Variants in NAALADL2 observed in about 807,000 individuals in gnomAD.
The protein encoded by NAALADL2 is N-acetylated alpha-linked acidic dipeptidase like 2.
A neutral mutation model predicts 87.2 loss-of-function variants in NAALADL2; 76 were observed. The observed-to-expected ratio is 0.87, with a 90% CI of 0.72 to 1.05. The LOEUF (loss-of-function observed/expected upper bound fraction) is 1.05, where lower values mean the gene tolerates loss of function less well. NAALADL2 is among the 50% of genes least tolerant of loss of function. NAALADL2 has a pLI of 0.00. For missense variants in NAALADL2, 1,089 were observed against 945.8 expected (o/e 1.15, Z -1.99); for synonymous variants, 354 against 331.0 (o/e 1.07, Z -0.75).
At chr3:174,456,704 T>G (rs3961801) in intron 1 of NAALADL2, among the ~76,000 whole-genome samples, 41,528 of 151,578 alleles carry the variant, frequency 0.27, 6,081 homozygotes, top group South Asian at 0.45. Context: ...TTATACCATA[T>G]AAAAAAAATC....
At chr3:175,051,744 G>T (rs549326655) in intron 1 of NAALADL2, among the ~76,000 whole-genome samples, 1 of 152,338 alleles carries the variant, frequency 6.6e-6, no homozygotes, top group East Asian at 1.9e-4. Context: ...GGGAGTCACT[G>T]TAGGGTCTGG....
chr3:175,338,531 C>A (rs1762228401), intron 5 of NAALADL2, among the ~76,000 whole-genome samples: 1 of 137,548 alleles, frequency 7.3e-6, no homozygotes, highest in Non-Finnish European at 1.5e-5. Context: ...AGTTTTATAG[C>A]AACAGAGGCA....
rs140776315 is a variant in NAALADL2, at chr3:174,874,610, A to G, written c.43+15160A>G. Among the ~76,000 whole-genome samples, 151 of 152,286 alleles carry G rather than the reference A, an allele frequency of 9.9e-4. No individual in the cohort carries two copies. In the Middle Eastern group the frequency reaches 0.014, roughly 14 times the overall value. ...GGGCAATCTATACGTGTGTAAAAGCATCATTGAGAAGGTGAGTACTCAAGA... is the reference window on the plus strand; with the variant it reads ...GGGCAATCTATACGTGTGTAAAAGCGTCATTGAGAAGGTGAGTACTCAAGA... On this transcript the variant is annotated intron_variant, in intron 1 of 13. Coordinates refer to ENST00000454872, the MANE Select transcript of NAALADL2 (RefSeq NM_207015.3).
intron 12 of NAALADL2, among the ~76,000 whole-genome samples, chr3:175,753,578 A>G (rs1044673493): frequency 6.6e-5 from 10 of 152,174 alleles, no homozygotes; most frequent in African/African-American, 2.4e-4. Flanking sequence ...CGTATCAGCT[A>G]TACATCTAAC....
At chr3:175,787,067 G>T (rs1181400531) in intron 13 of NAALADL2, among the ~76,000 whole-genome samples, 1 of 151,934 alleles carries the variant, frequency 6.6e-6, no homozygotes, top group Admixed American at 6.6e-5. Flanking sequence ...CAGTCTGCCT[G>T]TTCTCAGATC....
intron 5 of NAALADL2, among the ~76,000 whole-genome samples, chr3:175,377,302 ACT>A (rs1191580891): frequency 3.9e-5 from 6 of 152,164 alleles, no homozygotes; most frequent in African/African-American, 1.4e-4. Context: ...ACAGAGTGAC[ACT>A]CTGTTTCAAA....
At chr3:175,655,430 C>T (rs1731322693) in intron 11 of NAALADL2, 1 of 318,168 alleles carries the variant, frequency 3.1e-6, no homozygotes, top group Admixed American at 4.4e-5. Flanking sequence ...CTGGAGTTTG[C>T]CAAACAATGC....
chr3:174,954,156 G>A (rs1415221917), intron 1 of NAALADL2, among the ~76,000 whole-genome samples: 4 of 151,952 alleles, frequency 2.6e-5, no homozygotes, highest in Non-Finnish European at 1.5e-5. Context: ...CCCTAATCAG[G>A]CAACTTGAAT....
chr3:175,335,125 C>G (rs1761848547), intron 5 of NAALADL2, among the ~76,000 whole-genome samples: 1 of 152,190 alleles, frequency 6.6e-6, no homozygotes, highest in African/African-American at 2.4e-5. Context: ...CTCACCACGT[C>G]TACCGCGTCT....
intron 2 of NAALADL2, among the ~76,000 whole-genome samples, chr3:174,706,367 C>T (rs1730068433): frequency 6.6e-6 from 1 of 152,154 alleles, no homozygotes; most frequent in Admixed American, 6.5e-5. Flanking sequence ...GAAAACATAA[C>T]AGTAGAAATC....
chr3:175,645,453 G>A (rs1999584), intron 11 of NAALADL2, among the ~76,000 whole-genome samples: 6,833 of 152,166 alleles, frequency 0.045, 188 homozygotes, highest in South Asian at 0.11. Context: ...AAAGTTTAGA[G>A]TAACAGTGGA....
intron 2 of NAALADL2, among the ~76,000 whole-genome samples, chr3:175,114,279 G>T (rs1235254870): frequency 6.6e-6 from 1 of 151,560 alleles, no homozygotes; most frequent in Non-Finnish European, 1.5e-5. Context: ...GGATGTGGCA[G>T]TATTGATTGT....
At chr3:175,348,820 G>A (rs901636538) in intron 5 of NAALADL2, among the ~76,000 whole-genome samples, 7 of 152,122 alleles carry the variant, frequency 4.6e-5, no homozygotes, top group Non-Finnish European at 7.3e-5. Context: ...GTAGGACTTC[G>A]ACACACCGTT....
intron 4 of NAALADL2, among the ~76,000 whole-genome samples, chr3:175,315,773 G>C (rs1308933520): frequency 1.3e-5 from 2 of 152,126 alleles, no homozygotes; most frequent in Non-Finnish European, 2.9e-5. Flanking sequence ...AAATATTTCA[G>C]TTTTCTTTAT....
intron 9 of NAALADL2, among the ~76,000 whole-genome samples, chr3:175,483,085 A>T (rs1726741247): frequency 6.6e-6 from 1 of 151,910 alleles, no homozygotes; most frequent in African/African-American, 2.4e-5. Context: ...AAACCTACCT[A>T]GGGTGTGATA....
At chr3:174,630,939 C>G (rs947292089) in intron 2 of NAALADL2, among the ~76,000 whole-genome samples, 7 of 152,118 alleles carry the variant, frequency 4.6e-5, no homozygotes, top group African/African-American at 1.7e-4. Flanking sequence ...TTTTCACTTT[C>G]AGAAGGGATT....
chr3:174,936,892 G>T (rs1324643841), intron 1 of NAALADL2, among the ~76,000 whole-genome samples: 1 of 152,150 alleles, frequency 6.6e-6, no homozygotes, highest in Non-Finnish European at 1.5e-5. Flanking sequence ...GAAATGGAAA[G>T]ATTTGTTGTC....
chr3:174,537,316 G>C (rs922085701), intron 1 of NAALADL2, among the ~76,000 whole-genome samples: 3 of 152,122 alleles, frequency 2.0e-5, no homozygotes, highest in African/African-American at 7.2e-5. Flanking sequence ...TATACTGTAA[G>C]AGATTTTAAT....
chr3:175,289,269 G>A (rs964017099), intron 4 of NAALADL2, among the ~76,000 whole-genome samples: 2 of 152,054 alleles, frequency 1.3e-5, no homozygotes, highest in African/African-American at 2.4e-5. Flanking sequence ...ACGTGAGTAT[G>A]TATTACATTA....
Sources: gnomAD v4.1 joint callset for allele counts (sites outside exome capture counted in the v4.1 genomes callset) on GRCh38, gnomAD v4.1.1 for gene constraint, MANE v1.5 for transcripts, NCBI Gene and HGNC (gene_info 2026-07-23, HGNC 2026-07-21) for gene names.